Variants in CPO observed in about 807,000 individuals in gnomAD.
CPO encodes metallocarboxypeptidase C.
CPO carries 43 observed loss-of-function variants against 41.2 expected under a neutral mutation model. The observed-to-expected ratio is 1.04, with a 90% CI of 0.82 to 1.35. The LOEUF (loss-of-function observed/expected upper bound fraction) is 1.35. Ranked by LOEUF, CPO falls within the 40% of genes most tolerant of loss-of-function variation. The pLI is 0.00. For missense variants in CPO, 408 were observed against 451.7 expected, an observed-to-expected ratio of 0.90 and a Z score of 0.88; for synonymous variants, 178 against 162.7, an observed-to-expected ratio of 1.09 and a Z score of -0.72.
At chr2:206,945,974 A>T (rs1220268626) in intron 1 of CPO, among the ~76,000 whole-genome samples, 2 of 145,538 alleles carry the variant, frequency 1.4e-5, no homozygotes, top group Non-Finnish European at 3.1e-5. Flanking sequence ...ATTTTTTTAA[A>T]TTAAAAAAAA....
rs182657764 is a variant in CPO, at chr2:206,952,043, T to C, written c.165+2330T>C. 7.9e-5 allele frequency among the ~76,000 whole-genome samples: 12 copies of C among 152,346 alleles called. No homozygotes were observed. In the East Asian group the frequency reaches 2.3e-3, roughly 29 times the overall value. On this transcript the variant is annotated intron_variant, in intron 2 of 8. Coordinates refer to ENST00000272852, the MANE Select transcript of CPO (RefSeq NM_173077.3). ...CTACTGTTATAATACATTTTATCTA[T>C]ACCTAGCCCATGCTAAAATGAATGT...
chr2:206,959,926 A>G (rs1453169), intron 5 of CPO, among the ~76,000 whole-genome samples, 185 bp downstream of exon 5: 64,385 of 152,076 alleles, frequency 0.42, 14,015 homozygotes, highest in Non-Finnish European at 0.48. Flanking sequence ...GTTTAGGCCT[A>G]AGGAAGCCTA....
intron 2 of CPO, among the ~76,000 whole-genome samples, chr2:206,953,069 T>G (rs1418201065): frequency 6.6e-6 from 1 of 152,176 alleles, no homozygotes; most frequent in African/African-American, 2.4e-5. Context: ...ATCTGGGGAC[T>G]ATAGAAACTA....
At chr2:206,964,798 T>C (rs1319150823) in intron 7 of CPO, among the ~76,000 whole-genome samples, 1 of 152,210 alleles carries the variant, frequency 6.6e-6, no homozygotes, top group Non-Finnish European at 1.5e-5. Flanking sequence ...CAAACACAAA[T>C]GAATCTCCGA....
chr2:206,953,193 C>G (rs1307355514), intron 2 of CPO, among the ~76,000 whole-genome samples: 7 of 152,154 alleles, frequency 4.6e-5, no homozygotes. Context: ...CCCAACAGTC[C>G]CCCAAAGTCT....
At chr2:206,954,476 T>C (rs1693322497) in intron 2 of CPO, among the ~76,000 whole-genome samples, 2 of 152,208 alleles carry the variant, frequency 1.3e-5, no homozygotes, top group African/African-American at 2.4e-5. Context: ...CTGGACTTTA[T>C]TGTCCATATC....
chr2:206,945,437 T>C (rs925170023), intron 1 of CPO, among the ~76,000 whole-genome samples: 2 of 151,496 alleles, frequency 1.3e-5, no homozygotes, highest in Non-Finnish European at 3.0e-5. Context: ...ACCCCATTTC[T>C]TGCTTACATA....
At chr2:206,939,891 C>T (rs1211798673) in intron 1 of CPO, among the ~76,000 whole-genome samples, 1 of 151,990 alleles carries the variant, frequency 6.6e-6, no homozygotes, top group African/African-American at 2.4e-5. Context: ...TTTCCTAACA[C>T]AATGCATGAG....
chr2:206,956,415 T>TCAG (rs55661715), intron 3 of CPO, among the ~76,000 whole-genome samples: 21,891 of 151,068 alleles, frequency 0.14, 1,867 homozygotes, highest in Middle Eastern at 0.25. Flanking sequence ...ATCATCATCA[T>TCAG]CAGCAGCAGC....
At chr2:206,958,119 CAA>C (rs1483302416) in intron 3 of CPO, among the ~76,000 whole-genome samples, 180 bp from the exon 4 acceptor site, 1 of 152,114 alleles carries the variant, frequency 6.6e-6, no homozygotes, top group Non-Finnish European at 1.5e-5. Context: ...GGCAGGAGAA[CAA>C]GAGTAGCAGA....
rs754637258 is a variant in CPO, at chr2:206,958,311, C to T, written c.278C>T (p.Pro93Leu). The change falls in exon 4 of 9, where the codon CCA (proline) becomes CTA (leucine). Residue 93 changes from proline (P) to leucine (L), a missense_variant. By Grantham distance (98) the Pro-to-Leu change is moderately conservative (BLOSUM62 -3). Transcript: ENST00000272852. ...GGATATCTTCTCCAGATCAGCCAAC[C>T]ATCTGGTAATCCCAAGAAAATCATT... ...HPMYYLKISQ[P>L]SGNPKKIIWM... is the part of the protein sequence containing the mutation. 8.4e-5 allele frequency: 133 copies of T among 1,578,648 alleles called. No individual in the cohort carries two copies. The highest frequency in any genetic ancestry group is 1.1e-4 in the Non-Finnish European group (129 of 1,158,588).
intron 7 of CPO, among the ~76,000 whole-genome samples, chr2:206,966,214 T>C (rs1693572936): frequency 6.7e-6 from 1 of 150,002 alleles, no homozygotes; most frequent in Admixed American, 6.7e-5. Flanking sequence ...AAAAAAAAAT[T>C]TGTTGTCTAG....
At chr2:206,968,177 G>C in intron 7 of CPO, 86 bp from the exon 8 acceptor site, 1 of 922,782 alleles carries the variant, frequency 1.1e-6, no homozygotes, top group Non-Finnish European at 1.8e-6. Flanking sequence ...AAACTCTGGA[G>C]ATGAATCTGG....
intron 7 of CPO, among the ~76,000 whole-genome samples, chr2:206,963,818 C>A (rs1693522497): frequency 1.2e-5 from 1 of 83,986 alleles, no homozygotes; most frequent in East Asian, 2.8e-4. Flanking sequence ...TGGGTGTGCA[C>A]TTCTAAGACT....
At chr2:206,963,471 T>C (rs139171561) in intron 7 of CPO, among the ~76,000 whole-genome samples, 23 of 152,344 alleles carry the variant, frequency 1.5e-4, no homozygotes, top group African/African-American at 4.6e-4. Context: ...TCTTGCATAA[T>C]TGAAACTATG....
In CPO at chr2:206,958,019, G is replaced by A. The variant is rs574471123; in HGVS notation, c.268-282G>A. 4.6e-5 allele frequency among the ~76,000 whole-genome samples: 7 copies of A among 152,264 alleles called. No individual in the cohort carries two copies. The South Asian group carries it at 1.5e-3, about 32-fold the overall frequency. ...GGGTTATGCCTTTATCTATAGTTAG[G>A]GAGTAATTTAAGGTATAGGGAAGAT... is the stretch of plus-strand genomic sequence containing the variant. On this transcript the variant is annotated intron_variant, in intron 3 of 8. Transcript: ENST00000272852.
chr2:206,943,739 TAGATAGATAGATA>T (rs1559068458), intron 1 of CPO, among the ~76,000 whole-genome samples: 20 of 123,432 alleles, frequency 1.6e-4, no homozygotes, highest in African/African-American at 5.9e-4. Context: ...GATAGATAGA[TAGATAGATAGATA>T]GATAGATAGA....
At chr2:206,953,540 T>G (rs781492466) in intron 2 of CPO, among the ~76,000 whole-genome samples, 1 of 152,256 alleles carries the variant, frequency 6.6e-6, no homozygotes, top group African/African-American at 2.4e-5. Flanking sequence ...TCCCTGTGCC[T>G]TTGCAAGGTA....
At position 206,969,450 on chromosome 2, in the gene CPO, A is replaced by G; in HGVS notation, c.*14A>G. 5.6e-6 allele frequency: 9 copies of G among 1,612,900 alleles called. No individual in the cohort carries two copies. The highest frequency in any genetic ancestry group is 7.6e-6 in the Non-Finnish European group (9 of 1,178,986). ...TCTCTTCTCTAAGTGCATTCTGCCC[A>G]GGCCTGCTCAACCCCAGTGGCATGA... On this transcript the variant is annotated 3_prime_UTR_variant, in exon 9 of 9. Transcript: ENST00000272852.
Sources: allele counts gnomAD v4.1 joint callset (sites outside exome capture counted in the v4.1 genomes callset), GRCh38; gene constraint gnomAD v4.1.1; transcripts MANE v1.5; gene names NCBI Gene and HGNC (gene_info 2026-07-23, HGNC 2026-07-21).